Variants in HMGA2 observed in about 807,000 individuals in gnomAD.
HMGA2 encodes the protein high mobility group protein HMGI-C.
A neutral mutation model predicts 19.1 loss-of-function variants in HMGA2; 8 were observed. The ratio of observed to expected loss-of-function variants is 0.42; its 90% CI spans 0.25 to 0.76. The LOEUF (loss-of-function observed/expected upper bound fraction) is 0.76, where lower values mean the gene tolerates loss of function less well. HMGA2 is among the 30% of genes least tolerant of loss of function. The probability of loss-of-function intolerance (pLI) is 0.28; values close to 1 mark genes in which losing one functional copy is unlikely to be tolerated. For synonymous variants in HMGA2, 60 were observed against 48.8 expected (o/e 1.23, Z -0.96); for missense variants, 109 against 136.3 (o/e 0.80, Z 1.00).
intron 4 of HMGA2, chr12:65,952,139 G>T: frequency 2.0e-6 from 1 of 491,124 alleles, no homozygotes; most frequent in Non-Finnish European, 3.6e-6. Context: ...ATGTGAGCCA[G>T]TATTAAAGTA....
chr12:65,864,670 A>G (rs1201577495), intron 3 of HMGA2, among the ~76,000 whole-genome samples: 1 of 152,228 alleles, frequency 6.6e-6, no homozygotes, highest in Non-Finnish European at 1.5e-5. Context: ...TTTTCTTAGG[A>G]CACACTACAA....
At chr12:65,888,480 G>GAAAAC (rs1169288935) in intron 3 of HMGA2, among the ~76,000 whole-genome samples, 3 of 136,920 alleles carry the variant, frequency 2.2e-5, no homozygotes, top group Non-Finnish European at 4.7e-5. Context: ...GAAAAGAAAA[G>GAAAAC]AAACCTTAGA....
chr12:65,900,503 C>G (rs1187412649), intron 3 of HMGA2, among the ~76,000 whole-genome samples: 2 of 152,162 alleles, frequency 1.3e-5, no homozygotes, highest in African/African-American at 2.4e-5. Context: ...AGAAACCAGA[C>G]AAGTGTCATT....
chr12:65,942,441 A>G (rs1876120967), intron 3 of HMGA2, among the ~76,000 whole-genome samples: 1 of 152,190 alleles, frequency 6.6e-6, no homozygotes, highest in African/African-American at 2.4e-5. Flanking sequence ...ATATATATGT[A>G]TAGCGTTCCT....
chr12:65,886,834 G>A (rs1212921669), intron 3 of HMGA2, among the ~76,000 whole-genome samples: 2 of 152,102 alleles, frequency 1.3e-5, no homozygotes, highest in African/African-American at 4.8e-5. Flanking sequence ...AACCCACAGC[G>A]GTCACTTTCA....
At chr12:65,923,169 G>A (rs552137843) in intron 3 of HMGA2, among the ~76,000 whole-genome samples, 6 of 152,204 alleles carry the variant, frequency 3.9e-5, no homozygotes, top group South Asian at 4.2e-4. Context: ...GAAGGGCAGC[G>A]TGGTCCTCCT....
rs188434797 is a variant in HMGA2 at position 65,871,534 on chromosome 12, G to T, written c.249+32965G>T. 9.2e-5 allele frequency among the ~76,000 whole-genome samples: 14 copies of T among 152,288 alleles called. No individual in the cohort carries two copies. In the East Asian group the frequency reaches 2.7e-3, roughly 29 times the overall value. Reference sequence around the variant, plus strand: ...TTAGCTTGGCCTCCAGGTATTATTTGTTTTCCTTCTCATGAGAATTTTGAA... The same window carrying T: ...TTAGCTTGGCCTCCAGGTATTATTTTTTTTCCTTCTCATGAGAATTTTGAA... On this transcript the variant is annotated intron_variant, in intron 3 of 4. Transcript: ENST00000403681.
intron 3 of HMGA2, among the ~76,000 whole-genome samples, chr12:65,887,679 C>T (rs907838290): frequency 1.3e-5 from 2 of 152,010 alleles, no homozygotes; most frequent in Admixed American, 6.6e-5. Flanking sequence ...GCCGAGATCA[C>T]GCCTTTGCAC....
At chr12:65,901,041 T>C (rs1009393654) in intron 3 of HMGA2, among the ~76,000 whole-genome samples, 1 of 152,262 alleles carries the variant, frequency 6.6e-6, no homozygotes, top group African/African-American at 2.4e-5. Flanking sequence ...CCACATATTA[T>C]GTGTGGTATG....
In HMGA2 at chr12:65,842,638, A is replaced by G. The variant is rs1170976027; in HGVS notation, c.249+4069A>G. 2.0e-6 allele frequency: 3 copies of G among 1,535,416 alleles called. 1 individual carries two copies. In the South Asian group the frequency reaches 3.6e-5, roughly 18 times the overall value. On this transcript the variant is annotated intron_variant, in intron 3 of 4. Coordinates refer to ENST00000403681, the MANE Select transcript of HMGA2 (RefSeq NM_003483.6). ...AGAAGCCTTTCTTCCAATAGCAGAGATTTGGTGTCATGTGGTGTTCATCAG... is the reference window on the plus strand; with the variant it reads ...AGAAGCCTTTCTTCCAATAGCAGAGGTTTGGTGTCATGTGGTGTTCATCAG...
At chr12:65,914,188 G>A (rs1202699742) in intron 3 of HMGA2, among the ~76,000 whole-genome samples, 1 of 151,980 alleles carries the variant, frequency 6.6e-6, no homozygotes, top group Non-Finnish European at 1.5e-5. Context: ...AAAGACACAT[G>A]CACACGTATG....
intron 3 of HMGA2, among the ~76,000 whole-genome samples, chr12:65,923,786 G>A (rs1029326780): frequency 3.9e-5 from 6 of 152,122 alleles, no homozygotes; most frequent in Non-Finnish European, 5.9e-5. Context: ...GAGGCGAGTG[G>A]ATCACCTGGG....
intron 3 of HMGA2, among the ~76,000 whole-genome samples, chr12:65,927,184 C>T (rs1875537761): frequency 6.6e-6 from 1 of 152,144 alleles, no homozygotes; most frequent in Non-Finnish European, 1.5e-5. Flanking sequence ...GCCCCTTTCC[C>T]CTCATAGTGG....
At chr12:65,949,122 C>T (rs998830509) in intron 3 of HMGA2, among the ~76,000 whole-genome samples, 3 of 152,110 alleles carry the variant, frequency 2.0e-5, no homozygotes, top group Non-Finnish European at 2.9e-5. Flanking sequence ...AAGTCCTCAT[C>T]GTTCTTGGTT....
intron 2 of HMGA2, among the ~76,000 whole-genome samples, chr12:65,832,524 G>T (rs775892922): frequency 6.6e-6 from 1 of 151,918 alleles, no homozygotes; most frequent in Non-Finnish European, 1.5e-5. Context: ...AGAATAGATG[G>T]GTGCTGAAGA....
chr12:65,951,366 T>G lies in HMGA2; in HGVS notation c.250-17T>G. 1 of 1,491,580 alleles carries G rather than the reference T, an allele frequency of 6.7e-7. No individual in the cohort carries two copies. Among genetic ancestry groups the G allele is most frequent in the Non-Finnish European group, 9.0e-7 (1 of 1,105,526 alleles). 92.4% of individuals were successfully genotyped at this position (1,491,580 alleles called of 1,614,324 possible). On this transcript the variant is annotated splice_polypyrimidine_tract_variant and intron_variant, in intron 3 of 4. Coordinates refer to ENST00000403681, the MANE Select transcript of HMGA2 (RefSeq NM_003483.6). ...TATATTTTCTTTTAAAATATATCTT[T>G]TTCTTTTCCTCCTTAGCCACAACAA... is the stretch of plus-strand genomic sequence containing the variant.
At chr12:65,961,265 C>T (rs148539629) in intron 4 of HMGA2, among the ~76,000 whole-genome samples, 15 of 152,246 alleles carry the variant, frequency 9.9e-5, no homozygotes, top group Non-Finnish European at 1.6e-4. Flanking sequence ...TGCCTAACAG[C>T]TTAGTGACTT....
intron 1 of HMGA2, among the ~76,000 whole-genome samples, chr12:65,827,509 T>C (rs1311217449): frequency 6.6e-6 from 1 of 151,730 alleles, no homozygotes; most frequent in African/African-American, 2.4e-5. Context: ...TGAATCATAA[T>C]CCACCTAGAA....
intron 3 of HMGA2, among the ~76,000 whole-genome samples, chr12:65,920,342 A>C (rs1295585327): frequency 6.6e-6 from 1 of 152,196 alleles, no homozygotes; most frequent in Non-Finnish European, 1.5e-5. Flanking sequence ...GGGCTTGCCA[A>C]GTCCTCAAAA....
Sources: allele counts gnomAD v4.1 joint callset (sites outside exome capture counted in the v4.1 genomes callset), GRCh38; gene constraint gnomAD v4.1.1; transcripts MANE v1.5; gene names NCBI Gene and HGNC (gene_info 2026-07-23, HGNC 2026-07-21).